The following MRPS28 variants were observed in gnomAD, a reference collection of about 807,000 sequenced individuals.
The protein encoded by MRPS28 is small ribosomal subunit protein bS1m.
A neutral mutation model predicts 10.8 loss-of-function variants in MRPS28; 7 were observed. That is an observed-to-expected ratio of 0.65 (90% confidence interval 0.37 to 1.22). The LOEUF (loss-of-function observed/expected upper bound fraction) is 1.22. MRPS28 is among the 50% of genes most tolerant of loss of function. The pLI, the probability that MRPS28 is intolerant of heterozygous loss-of-function variation, is 0.02. For synonymous variants in MRPS28, 121 were observed against 93.3 expected (o/e 1.30, Z -1.71); for missense variants, 265 against 232.9 (o/e 1.14, Z -0.90).
chr8:79,930,641 T>G (rs1002427237), intron 2 of MRPS28, among the ~76,000 whole-genome samples: 1 of 152,210 alleles, frequency 6.6e-6, no homozygotes, highest in South Asian at 2.1e-4. Flanking sequence ...ATGTGTTACT[T>G]AGAATGTTCC....
chr8:79,956,262 G>C (rs925638527), intron 2 of MRPS28, among the ~76,000 whole-genome samples: 3 of 151,890 alleles, frequency 2.0e-5, no homozygotes, highest in Non-Finnish European at 4.4e-5. Context: ...ACTCCTTTTT[G>C]AGTATGTATT....
At chr8:79,966,242 T>C (rs1050815200) in intron 2 of MRPS28, among the ~76,000 whole-genome samples, 1 of 151,984 alleles carries the variant, frequency 6.6e-6, no homozygotes, top group African/African-American at 2.4e-5. Flanking sequence ...GTGAGCTTGT[T>C]TTAACATTAT....
chr8:80,021,767 C>T (rs1809371828), intron 1 of MRPS28, among the ~76,000 whole-genome samples: 1 of 152,096 alleles, frequency 6.6e-6, no homozygotes, highest in Non-Finnish European at 1.5e-5. Flanking sequence ...CAGTGAAATG[C>T]TCCCTTTAAA....
At chr8:80,003,470 T>A (rs960891552) in intron 1 of MRPS28, among the ~76,000 whole-genome samples, 2 of 152,164 alleles carry the variant, frequency 1.3e-5, no homozygotes, top group African/African-American at 4.8e-5. Context: ...GTTCTAAGCC[T>A]GACCAACATA....
At chr8:79,987,766 G>A (rs1808233173) in intron 2 of MRPS28, among the ~76,000 whole-genome samples, 1 of 152,194 alleles carries the variant, frequency 6.6e-6, no homozygotes, top group South Asian at 2.1e-4. Flanking sequence ...TCATTAAAAA[G>A]TCAGGAAACA....
At chr8:79,946,878 T>C (rs1262869062) in intron 2 of MRPS28, among the ~76,000 whole-genome samples, 1 of 152,096 alleles carries the variant, frequency 6.6e-6, no homozygotes, top group Non-Finnish European at 1.5e-5. Context: ...AAAAATCAGC[T>C]TAATAGACAA....
chr8:80,014,032 A>G (rs1809131201), intron 1 of MRPS28, among the ~76,000 whole-genome samples: 1 of 152,240 alleles, frequency 6.6e-6, no homozygotes, highest in African/African-American at 2.4e-5. Context: ...TCTAGTGGAC[A>G]GAAAGCATGT....
chr8:79,996,344 G>A (rs755916585), intron 2 of MRPS28, among the ~76,000 whole-genome samples: 6 of 152,122 alleles, frequency 3.9e-5, no homozygotes, highest in Non-Finnish European at 7.3e-5. Flanking sequence ...TTAGCTTATT[G>A]GGGGTTACAC....
At chr8:79,926,389 GT>G (rs1810236859) in intron 2 of MRPS28, among the ~76,000 whole-genome samples, 1 of 152,204 alleles carries the variant, frequency 6.6e-6, no homozygotes, top group Non-Finnish European at 1.5e-5. Context: ...TTTCTGGGCT[GT>G]TTACTCATCT....
rs1808921477 is a variant in MRPS28 at position 80,008,254 on chromosome 8, C to T, written c.214-5074G>A. On this transcript the variant is annotated intron_variant, in intron 1 of 2. Coordinates refer to ENST00000276585, the MANE Select transcript of MRPS28 (RefSeq NM_014018.3). ...GCTGAAAGTGGATCCCTTTCTTACA[C>T]CTTATACAAAAATTAATTCAAGATG... 3.3e-5 allele frequency among the ~76,000 whole-genome samples: 5 copies of T among 152,286 alleles called. No homozygotes were observed. The South Asian group carries it at 1.0e-3, about 32-fold the overall frequency.
At chr8:79,923,463 A>G (rs1396469306) in intron 2 of MRPS28, among the ~76,000 whole-genome samples, 5 of 152,216 alleles carry the variant, frequency 3.3e-5, no homozygotes, top group African/African-American at 4.8e-5. Context: ...AATATTATCC[A>G]TTAGAAAAAT....
chr8:79,920,783 T>C (rs1810072364), intron 2 of MRPS28, among the ~76,000 whole-genome samples: 1 of 152,194 alleles, frequency 6.6e-6, no homozygotes, highest in Non-Finnish European at 1.5e-5. Context: ...GCAGAAGCGC[T>C]TTAGTTTAAT....
At chr8:79,989,258 A>C (rs927653882) in intron 2 of MRPS28, among the ~76,000 whole-genome samples, 5 of 152,232 alleles carry the variant, frequency 3.3e-5, no homozygotes, top group African/African-American at 1.2e-4. Flanking sequence ...ATTTAAGGTA[A>C]GAAATAGGAA....
At chr8:79,922,435 G>C (rs1464980743) in intron 2 of MRPS28, among the ~76,000 whole-genome samples, 1 of 152,122 alleles carries the variant, frequency 6.6e-6, no homozygotes, top group Non-Finnish European at 1.5e-5. Context: ...ATAATATGTT[G>C]TAGACCTGGA....
At chr8:79,978,460 G>C (rs1807859287) in intron 2 of MRPS28, among the ~76,000 whole-genome samples, 1 of 152,092 alleles carries the variant, frequency 6.6e-6, no homozygotes, top group African/African-American at 2.4e-5. Context: ...GATCAGATCA[G>C]GCTTCAATAC....
rs555396564 is a variant in MRPS28, at chr8:79,993,638, C to G, written c.395+9361G>C. ...ATTAAAAAGCTAAATATAACGGATG[C>G]TCTTCTATCCTAAAAAAGACTGAAG... On this transcript the variant is annotated intron_variant, in intron 2 of 2. Transcript: ENST00000276585. Among the ~76,000 whole-genome samples the G allele has an allele frequency of 2.0e-5, 3 of 152,202 alleles. No individual in the cohort carries two copies. In the South Asian group the frequency reaches 6.2e-4, roughly 32 times the overall value.
At position 79,996,030 on chromosome 8, in the gene MRPS28, T is replaced by C. The variant is rs559546107; in HGVS notation, c.395+6969A>G. Among the ~76,000 whole-genome samples, 5 of 152,338 alleles carry C rather than the reference T, an allele frequency of 3.3e-5. No homozygotes were observed. In the South Asian group the frequency reaches 1.0e-3, roughly 32 times the overall value. Reference sequence around the variant, plus strand: ...TATTATGATACAATATAGAAATTAATGTTTATAATTATGACCCTGGGTCAT... The same window carrying C: ...TATTATGATACAATATAGAAATTAACGTTTATAATTATGACCCTGGGTCAT... On this transcript the variant is annotated intron_variant, in intron 2 of 2. Transcript: ENST00000276585.
At chr8:80,008,596 A>G (rs913586273) in intron 1 of MRPS28, among the ~76,000 whole-genome samples, 2 of 152,246 alleles carry the variant, frequency 1.3e-5, no homozygotes, top group African/African-American at 4.8e-5. Context: ...AAACAACCCC[A>G]TCAAAAAGTG....
At chr8:80,012,060 TTTATAAAG>T (rs1303911717) in intron 1 of MRPS28, among the ~76,000 whole-genome samples, 1 of 152,174 alleles carries the variant, frequency 6.6e-6, no homozygotes, top group Non-Finnish European at 1.5e-5. Flanking sequence ...CATTATAAAC[TTTATAAAG>T]TTATAGTTAC....
Sources: gnomAD v4.1 joint callset for allele counts (sites outside exome capture counted in the v4.1 genomes callset) on GRCh38, gnomAD v4.1.1 for gene constraint, MANE v1.5 for transcripts, NCBI Gene and HGNC (gene_info 2026-07-23, HGNC 2026-07-21) for gene names.